EGF: variants seen among roughly 807,000 people sequenced by gnomAD.
EGF encodes epidermal growth factor, also known as pro-epidermal growth factor.
EGF carries 95 observed loss-of-function variants against 143.8 expected under a neutral mutation model. The ratio of observed to expected loss-of-function variants is 0.66; its 90% CI spans 0.56 to 0.78. The LOEUF is 0.78. Ranked by LOEUF, EGF falls within the 30% of genes least tolerant of loss-of-function variation. The pLI is 0.00. For missense variants in EGF, 1,320 were observed against 1,470.9 expected (o/e 0.90, Z 1.68); for synonymous variants, 510 against 510.5 (o/e 1.00, Z 0.01).
chr4:110,001,173 T>C (rs1001525691), intron 21 of EGF, among the ~76,000 whole-genome samples: 2 of 152,254 alleles, frequency 1.3e-5, no homozygotes, highest in Non-Finnish European at 2.9e-5. Flanking sequence ...ATTAATTTCC[T>C]TTACTATAAA....
chr4:109,960,833 C>A (rs1243233636), intron 6 of EGF, 34 bp from the exon 7 acceptor site: 1 of 1,612,598 alleles, frequency 6.2e-7, no homozygotes, highest in Non-Finnish European at 8.5e-7. Flanking sequence ...CAAAAATAGC[C>A]ATTTGAATGT....
chr4:109,964,597 ATCC>A, intron 10 of EGF, 60 bp downstream of exon 10: 1 of 1,608,914 alleles, frequency 6.2e-7, no homozygotes, highest in Non-Finnish European at 8.5e-7. Flanking sequence ...AGAGGATTTT[ATCC>A]TAACAAATGA....
In EGF at chr4:109,966,228, A is replaced by G. The variant is rs542806007; in HGVS notation, c.1575+1691A>G. Among the ~76,000 whole-genome samples the G allele has an allele frequency of 1.1e-4, 16 of 152,030 alleles. No homozygotes were observed. The East Asian group carries it at 2.9e-3, about 27-fold the overall frequency. On this transcript the variant is annotated intron_variant, in intron 10 of 23. Transcript: ENST00000265171. ...CACCCTCCCACCCTTGCAGTCTCCA[A>G]TGTCTGTTATTCCACTCTGTATGTC...
At chr4:109,940,807 T>C (rs961357020) in intron 1 of EGF, 139 bp from the exon 2 acceptor site, 25 of 861,270 alleles carry the variant, frequency 2.9e-5, no homozygotes, top group Non-Finnish European at 4.2e-5. Flanking sequence ...CTTTATTGTC[T>C]ATAAATAGAC....
chr4:109,930,102 C>A (rs1298953271), intron 1 of EGF, among the ~76,000 whole-genome samples: 2 of 152,184 alleles, frequency 1.3e-5, no homozygotes, highest in Non-Finnish European at 2.9e-5. Context: ...TTCCACTTTG[C>A]CTTCCGCCAT....
intron 1 of EGF, among the ~76,000 whole-genome samples, chr4:109,918,700 G>C (rs1737150542): frequency 6.6e-6 from 1 of 152,160 alleles, no homozygotes; most frequent in East Asian, 1.9e-4. Context: ...CTTCTTGAAA[G>C]AACGAGGAAA....
Position 109,959,434 on chromosome 4 carries a change from G to A in EGF, c.1063G>A (p.Glu355Lys). ...YALSRDRKYC[E>K]DVNECAFWNH... ...CCTAAGTCGAGACCGGAAGTACTGT[G>A]AAGGTAATGACTGGAAGTACTGTGA... is the stretch of plus-strand genomic sequence containing the variant. The change falls in exon 6 of 24, where the codon GAA becomes AAA. Residue 355 changes from glutamate (E) to lysine (K), a missense_variant. By Grantham distance (56) the Glu-to-Lys change is moderately conservative (BLOSUM62 1). Transcript: ENST00000265171. The A allele has an allele frequency of 1.2e-6, 2 of 1,613,782 alleles. No individual in the cohort carries two copies. The highest frequency in any genetic ancestry group is 1.7e-6 in the Non-Finnish European group (2 of 1,179,790).
intron 2 of EGF, 87 bp from the exon 3 acceptor site, chr4:109,943,167 G>T: frequency 1.0e-6 from 1 of 952,558 alleles, no homozygotes; most frequent in Non-Finnish European, 1.5e-6. Context: ...ATACTTAAAA[G>T]AATAGACTTT....
rs149023037 is a variant in EGF at position 109,917,599 on chromosome 4, C to A, written c.127+4137C>A. Among the ~76,000 whole-genome samples, 365 of 151,802 alleles carry A rather than the reference C, an allele frequency of 2.4e-3. 3 individuals carry two copies. Among genetic ancestry groups the A allele is most frequent in the African/African-American group, 8.3e-3 (343 of 41,364 alleles). On this transcript the variant is annotated intron_variant, in intron 1 of 23. Coordinates refer to ENST00000265171, the MANE Select transcript of EGF (RefSeq NM_001963.6). ...GGTGAGGTTTGGGCTTCTATTGATCCCATGTGATCAGTTGGTTTTTTATTT... is the reference window on the plus strand; with the variant it reads ...GGTGAGGTTTGGGCTTCTATTGATCACATGTGATCAGTTGGTTTTTTATTT...
chr4:109,924,883 A>G (rs1420617835), intron 1 of EGF, among the ~76,000 whole-genome samples: 1 of 152,202 alleles, frequency 6.6e-6, no homozygotes, highest in Non-Finnish European at 1.5e-5. Context: ...ATGGATTTAC[A>G]ATTGTTATTA....
At chr4:109,929,723 A>G (rs1739350141) in intron 1 of EGF, among the ~76,000 whole-genome samples, 1 of 152,140 alleles carries the variant, frequency 6.6e-6, no homozygotes, top group Non-Finnish European at 1.5e-5. Flanking sequence ...CATTTTTTTA[A>G]TGGAATTAAG....
At chr4:109,988,437 A>G in intron 17 of EGF, 147 bp from the exon 18 acceptor site, 3 of 1,171,740 alleles carry the variant, frequency 2.6e-6, no homozygotes, top group Non-Finnish European at 3.8e-6. Context: ...CTTTATGTCC[A>G]AGATGCAGGG....
chr4:109,949,428 A>C (rs914156950), intron 5 of EGF, among the ~76,000 whole-genome samples: 4 of 152,160 alleles, frequency 2.6e-5, no homozygotes, highest in Non-Finnish European at 5.9e-5. Context: ...TTTCGGGGCC[A>C]AGTGATTTAG....
intron 1 of EGF, among the ~76,000 whole-genome samples, chr4:109,937,723 C>T (rs1741103758): frequency 6.6e-6 from 1 of 152,150 alleles, no homozygotes; most frequent in African/African-American, 2.4e-5. Flanking sequence ...GACAAAATCT[C>T]TCAGCATTTG....
chr4:109,940,706 TC>T (rs1741779045), intron 1 of EGF: 1 of 495,130 alleles, frequency 2.0e-6, no homozygotes, highest in South Asian at 2.6e-5. Flanking sequence ...TTCAGAGAGT[TC>T]ATTTTTCATA....
intron 12 of EGF, among the ~76,000 whole-genome samples, chr4:109,975,298 C>A (rs952514628): frequency 2.0e-5 from 3 of 152,156 alleles, no homozygotes; most frequent in African/African-American, 7.2e-5. Context: ...TAAAGAATTT[C>A]TTCCTAGTTG....
At chr4:109,955,743 T>G (rs1310206474) in intron 5 of EGF, among the ~76,000 whole-genome samples, 2 of 152,158 alleles carry the variant, frequency 1.3e-5, no homozygotes, top group African/African-American at 2.4e-5. Flanking sequence ...ATCACAGGGT[T>G]TTTTTGTGGA....
At chr4:109,929,449 C>G (rs907009520) in intron 1 of EGF, among the ~76,000 whole-genome samples, 1 of 151,922 alleles carries the variant, frequency 6.6e-6, no homozygotes, top group African/African-American at 2.4e-5. Flanking sequence ...AATTCACCAC[C>G]CACCCTGTTA....
At chr4:109,926,299 G>A (rs1738626511) in intron 1 of EGF, among the ~76,000 whole-genome samples, 1 of 151,822 alleles carries the variant, frequency 6.6e-6, no homozygotes, top group African/African-American at 2.4e-5. Flanking sequence ...GCTGCAGTGA[G>A]CTAGGATTGT....
Sources: gnomAD v4.1 joint callset for allele counts (sites outside exome capture counted in the v4.1 genomes callset) on GRCh38, gnomAD v4.1.1 for gene constraint, MANE v1.5 for transcripts, NCBI Gene and HGNC (gene_info 2026-07-23, HGNC 2026-07-21) for gene names.